The following APBB1IP variants were observed in gnomAD, a reference collection of about 807,000 sequenced individuals.
APBB1IP encodes amyloid beta A4 precursor protein-binding family B member 1-interacting protein.
Under a neutral mutation model 64.9 loss-of-function variants are expected in APBB1IP, and 27 were observed. The observed-to-expected ratio is 0.42, with a 90% CI of 0.31 to 0.57. The LOEUF is 0.57. APBB1IP is among the 20% of genes least tolerant of loss of function. The pLI is 0.20. For missense variants in APBB1IP, 812 were observed against 845.5 expected, an observed-to-expected ratio of 0.96 and a Z score of 0.49; for synonymous variants, 392 against 331.0, an observed-to-expected ratio of 1.18 and a Z score of -2.00.
chr10:26,553,947 G>C (rs370912966), intron 11 of APBB1IP, among the ~76,000 whole-genome samples: 1 of 152,026 alleles, frequency 6.6e-6, no homozygotes, highest in Admixed American at 6.6e-5. Flanking sequence ...TGCTCTCCAG[G>C]GTCCTAAATT....
At chr10:26,445,094 C>CAA (rs76980656) in intron 2 of APBB1IP, among the ~76,000 whole-genome samples, 11 of 85,330 alleles carry the variant, frequency 1.3e-4, no homozygotes, top group African/African-American at 2.7e-4. Context: ...GAGATTCTGT[C>CAA]AAAAAAAAAA....
At chr10:26,457,594 C>T (rs374570934) in intron 2 of APBB1IP, among the ~76,000 whole-genome samples, 102 of 152,346 alleles carry the variant, frequency 6.7e-4, no homozygotes, top group African/African-American at 2.4e-3. Flanking sequence ...CTTAGATCTC[C>T]CTATACCAAA....
chr10:26,503,616 C>T (rs778902254), intron 6 of APBB1IP, among the ~76,000 whole-genome samples: 8 of 151,900 alleles, frequency 5.3e-5, no homozygotes, highest in Non-Finnish European at 1.0e-4. Flanking sequence ...GCCTGGGAGA[C>T]AGAGTGAGAT....
chr10:26,464,110 G>A (rs1564351759), intron 2 of APBB1IP, among the ~76,000 whole-genome samples: 1 of 152,102 alleles, frequency 6.6e-6, no homozygotes, highest in African/African-American at 2.4e-5. Context: ...GATCCATACT[G>A]GACTCCACAT....
chr10:26,475,124 C>CTTTT (rs757288624), intron 2 of APBB1IP, among the ~76,000 whole-genome samples: 1 of 138,170 alleles, frequency 7.2e-6, no homozygotes. Flanking sequence ...TTTTTCTTTT[C>CTTTT]TTTTTTTTTT....
At chr10:26,537,231 C>T (rs1208772894) in intron 10 of APBB1IP, among the ~76,000 whole-genome samples, 1 of 152,102 alleles carries the variant, frequency 6.6e-6, no homozygotes, top group Non-Finnish European at 1.5e-5. Context: ...TTTGCCTTCC[C>T]TTCCAAATGC....
At chr10:26,518,256 T>TA (rs1343196914) in intron 8 of APBB1IP, among the ~76,000 whole-genome samples, 1 of 90,702 alleles carries the variant, frequency 1.1e-5, no homozygotes, top group Non-Finnish European at 2.2e-5. Context: ...CCCAGCCTAT[T>TA]TTTTTTTTTT....
chr10:26,506,259 G>C (rs1024982382), intron 6 of APBB1IP, among the ~76,000 whole-genome samples: 1 of 137,772 alleles, frequency 7.3e-6, no homozygotes, highest in South Asian at 2.8e-4. Flanking sequence ...GTGGGGGGGG[G>C]GGGTGGGGGG....
At chr10:26,476,478 A>G (rs772604332) in intron 2 of APBB1IP, among the ~76,000 whole-genome samples, 3 of 151,408 alleles carry the variant, frequency 2.0e-5, no homozygotes, top group Non-Finnish European at 4.4e-5. Flanking sequence ...AGAAAAGAAA[A>G]GAAAGGAAAA....
intron 2 of APBB1IP, among the ~76,000 whole-genome samples, chr10:26,456,809 A>C (rs1041970389): frequency 2.6e-5 from 4 of 151,954 alleles, no homozygotes; most frequent in African/African-American, 9.7e-5. Flanking sequence ...TTACAAAAGA[A>C]AAGAAGGAGA....
chr10:26,550,037 A>T (rs1029099978), intron 11 of APBB1IP, among the ~76,000 whole-genome samples: 2 of 150,048 alleles, frequency 1.3e-5, no homozygotes, highest in Non-Finnish European at 3.0e-5. Flanking sequence ...TTTTTTTTTT[A>T]ATCTTTTTTT....
intron 2 of APBB1IP, among the ~76,000 whole-genome samples, chr10:26,465,283 G>A (rs981636409): frequency 6.6e-6 from 1 of 152,118 alleles, no homozygotes; most frequent in Non-Finnish European, 1.5e-5. Context: ...GAATTGACAG[G>A]CACCCTTCAT....
chr10:26,517,132 G>A (rs1451681555), intron 8 of APBB1IP, among the ~76,000 whole-genome samples: 1 of 152,198 alleles, frequency 6.6e-6, no homozygotes, highest in Non-Finnish European at 1.5e-5. Context: ...GAAGTAATCA[G>A]TGCACCAATC....
At chr10:26,487,797 T>C (rs983988586) in intron 2 of APBB1IP, among the ~76,000 whole-genome samples, 2 of 152,212 alleles carry the variant, frequency 1.3e-5, no homozygotes, top group Non-Finnish European at 2.9e-5. Context: ...ATTTCCAGAC[T>C]TTATTTTAGT....
intron 11 of APBB1IP, among the ~76,000 whole-genome samples, chr10:26,556,194 C>T (rs759105375): frequency 2.0e-5 from 3 of 152,230 alleles, no homozygotes; most frequent in African/African-American, 4.8e-5. Flanking sequence ...GCCAGTGACA[C>T]TGCACCAGCA....
intron 7 of APBB1IP, among the ~76,000 whole-genome samples, chr10:26,512,318 G>A (rs1836271503): frequency 6.6e-6 from 1 of 152,192 alleles, no homozygotes; most frequent in African/African-American, 2.4e-5. Context: ...GTGGCTGGAT[G>A]ATACTTACTA....
At chr10:26,506,102 G>C (rs1001015297) in intron 6 of APBB1IP, among the ~76,000 whole-genome samples, 1 of 152,176 alleles carries the variant, frequency 6.6e-6, no homozygotes, top group African/African-American at 2.4e-5. Flanking sequence ...TGGATTCTGA[G>C]TAGGTTCGCT....
At chr10:26,531,537 G>A (rs1836553887) in intron 8 of APBB1IP, among the ~76,000 whole-genome samples, 1 of 151,734 alleles carries the variant, frequency 6.6e-6, no homozygotes, top group South Asian at 2.1e-4. Context: ...CGCGATGGCG[G>A]GCGCCTGTAG....
chr10:26,488,150 G>A (rs757595741), intron 2 of APBB1IP, among the ~76,000 whole-genome samples: 7 of 151,982 alleles, frequency 4.6e-5, no homozygotes, highest in Non-Finnish European at 8.8e-5. Flanking sequence ...CCCATGACAA[G>A]ATTTTTAATA....
Sources: allele counts gnomAD v4.1 joint callset (sites outside exome capture counted in the v4.1 genomes callset), GRCh38; gene constraint gnomAD v4.1.1; transcripts MANE v1.5; gene names NCBI Gene and HGNC (gene_info 2026-07-23, HGNC 2026-07-21).